SDK2: variants seen among roughly 807,000 people sequenced by gnomAD.
SDK2 encodes the protein sidekick cell adhesion molecule 2.
In SDK2, 105 loss-of-function variants were observed where a neutral mutation model predicts 253.9. The observed-to-expected ratio is 0.41, with a 90% CI of 0.35 to 0.49. SDK2 has a LOEUF of 0.49. SDK2 is among the 20% of genes least tolerant of loss of function. SDK2 has a pLI of 0.06. For missense variants in SDK2, 2,608 were observed against 3,003.0 expected, an observed-to-expected ratio of 0.87 and a Z score of 3.07; for synonymous variants, 1,249 against 1,234.9, an observed-to-expected ratio of 1.01 and a Z score of -0.24.
chr17:73,390,750 A>G (rs980011090), intron 28 of SDK2, among the ~76,000 whole-genome samples: 1 of 152,160 alleles, frequency 6.6e-6, no homozygotes, highest in South Asian at 2.1e-4. Flanking sequence ...GAAGAAACTG[A>G]GGCCCGGAGA....
chr17:73,640,136 T>C (rs2046379717), intron 1 of SDK2, among the ~76,000 whole-genome samples: 1 of 152,124 alleles, frequency 6.6e-6, no homozygotes, highest in Non-Finnish European at 1.5e-5. Flanking sequence ...TTGGCCTCCT[T>C]CCCAGCCTCC....
At chr17:73,461,522 G>A (rs952309498) in intron 3 of SDK2, among the ~76,000 whole-genome samples, 3 of 152,228 alleles carry the variant, frequency 2.0e-5, no homozygotes, top group Non-Finnish European at 4.4e-5. Context: ...ATGGGAATGG[G>A]AGGGGAAGTA....
chr17:73,618,738 C>T lies in SDK2; in HGVS notation c.64+25287G>A, dbSNP rs78791102. ...TCCCCGATCACCCCTGCCATCCTCA[C>T]GGCCAAGGAAAGCAATGCCAGGAAT... is the stretch of plus-strand genomic sequence containing the variant. On this transcript the variant is annotated intron_variant, in intron 1 of 44. Coordinates refer to ENST00000392650, the MANE Select transcript of SDK2 (RefSeq NM_001144952.2). The surrounding 1 kb of genome is among the most constrained non-coding windows in gnomAD (Gnocchi z 4.1). Among the ~76,000 whole-genome samples the T allele has an allele frequency of 0.02, 3,098 of 152,254 alleles. 101 individuals carry two copies. Among genetic ancestry groups the T allele is most frequent in the African/African-American group, 0.071 (2,947 of 41,534 alleles).
chr17:73,415,649 A>G (rs2063174185), intron 17 of SDK2, among the ~76,000 whole-genome samples, 162 bp downstream of exon 17: 1 of 152,024 alleles, frequency 6.6e-6, no homozygotes. Flanking sequence ...CACCACACCC[A>G]GATAATTTTT....
At position 73,455,700 on chromosome 17, in the gene SDK2, G is replaced by A. The variant is rs183785157; in HGVS notation, c.479+206C>T. Among the ~76,000 whole-genome samples the A allele has an allele frequency of 4.6e-5, 7 of 152,294 alleles. No individual in the cohort carries two copies. Among genetic ancestry groups the A allele is most frequent in the East Asian group, 1.9e-4 (1 of 5,180 alleles). On this transcript the variant is annotated intron_variant, in intron 4 of 44. Transcript: ENST00000392650. This position sits in a 1 kb window ranked among gnomAD's most constrained non-coding sequence, Gnocchi z 5.0. Reference sequence around the variant, plus strand: ...CCTGGGATTCCCCAGGAAGGGGACCGGGCATGGGTTTCATGGTCCCAAGTC... The same window carrying A: ...CCTGGGATTCCCCAGGAAGGGGACCAGGCATGGGTTTCATGGTCCCAAGTC...
chr17:73,558,022 C>T (rs944456903), intron 1 of SDK2, among the ~76,000 whole-genome samples: 1 of 152,244 alleles, frequency 6.6e-6, no homozygotes, highest in African/African-American at 2.4e-5. Flanking sequence ...GGACCCTCCT[C>T]ACCCTGTTGC....
rs757856941 is a variant in SDK2 at position 73,380,869 on chromosome 17, G to A, written c.4762+25C>T. On this transcript the variant is annotated intron_variant, in intron 34 of 44. Coordinates refer to ENST00000392650, the MANE Select transcript of SDK2 (RefSeq NM_001144952.2). ...CCCCTGCGAGGCCTGGGCCCGCGAT[G>A]AAGCCACCATGCAAGGAGACTTACT... 9 of 1,552,312 alleles carry A rather than the reference G, an allele frequency of 5.8e-6. No homozygotes were observed. The East Asian group carries it at 2.2e-4, about 38-fold the overall frequency.
intron 2 of SDK2, among the ~76,000 whole-genome samples, chr17:73,491,997 G>C (rs1010358310): frequency 2.0e-5 from 3 of 152,198 alleles, no homozygotes; most frequent in African/African-American, 7.2e-5. Context: ...CGAAATCTGG[G>C]CCAGCTTCAT....
At chr17:73,353,100 A>AG (rs2062553176) in intron 40 of SDK2, among the ~76,000 whole-genome samples, 1 of 151,658 alleles carries the variant, frequency 6.6e-6, no homozygotes, top group Non-Finnish European at 1.5e-5. Flanking sequence ...CAAAAAAAAA[A>AG]GACACCTTTT....
intron 29 of SDK2, among the ~76,000 whole-genome samples, chr17:73,390,021 T>C (rs1194295307): frequency 6.6e-6 from 1 of 152,236 alleles, no homozygotes; most frequent in Non-Finnish European, 1.5e-5. Flanking sequence ...AGTGCTGGGA[T>C]TACAGGCGTG....
At position 73,433,965 on chromosome 17, in the gene SDK2, T is replaced by C. The variant is rs576487548; in HGVS notation, c.1196-117A>G. The C allele has an allele frequency of 7.4e-4, 484 of 654,238 alleles. 1 individual carries two copies. Among genetic ancestry groups the C allele is most frequent in the Non-Finnish European group, 3.4e-4 (128 of 379,810 alleles). The allele number at this position is 654,238 out of a possible 1,614,324, so 40.5% of individuals were successfully genotyped here. A position where few individuals can be genotyped will look rare whatever the true frequency, so the allele number is the denominator to read the frequency against. ...GGCCCTCATCCTCCCCCTGCCATGG[T>C]GAGGGGCCCTCCACGAGGAAGGATG... On this transcript the variant is annotated intron_variant, in intron 9 of 44. Coordinates refer to ENST00000392650, the MANE Select transcript of SDK2 (RefSeq NM_001144952.2).
rs554275573 is a variant in SDK2 at position 73,481,996 on chromosome 17, C to T, written c.225-9778G>A. On this transcript the variant is annotated intron_variant, in intron 2 of 44. Transcript: ENST00000392650. This position sits in a 1 kb window ranked among gnomAD's most constrained non-coding sequence, Gnocchi z 4.5. ...CGACCGTAGAATATGGGAGATAGGC[C>T]GGGTGTGGTGGCTCACGCCTGGAAT... 2.2e-4 allele frequency among the ~76,000 whole-genome samples: 34 copies of T among 152,270 alleles called. No homozygotes were observed. Among genetic ancestry groups the T allele is most frequent in the African/African-American group, 3.1e-4 (13 of 41,548 alleles).
intron 44 of SDK2, among the ~76,000 whole-genome samples, chr17:73,339,486 T>A (rs568122718): frequency 9.2e-5 from 14 of 152,114 alleles, no homozygotes; most frequent in African/African-American, 3.4e-4. Context: ...CCTCCCAAAG[T>A]ACTGGGATTA....
chr17:73,386,408 G>A, intron 31 of SDK2, 37 bp downstream of exon 31: 1 of 1,390,226 alleles, frequency 7.2e-7, no homozygotes, highest in Non-Finnish European at 1.0e-6. Context: ...AGCAGCCAGT[G>A]GGCTGAGAGA....
intron 2 of SDK2, among the ~76,000 whole-genome samples, chr17:73,503,314 C>A (rs530162494): frequency 6.6e-6 from 1 of 152,298 alleles, no homozygotes; most frequent in East Asian, 1.9e-4. Flanking sequence ...AGTATTGTAT[C>A]ATTGTTAAAT....
intron 1 of SDK2, among the ~76,000 whole-genome samples, chr17:73,641,291 T>C (rs1377926663): frequency 3.9e-5 from 6 of 152,236 alleles, no homozygotes; most frequent in Non-Finnish European, 8.8e-5. Context: ...CTGGAATATC[T>C]TGAATTCTCC....
intron 1 of SDK2, among the ~76,000 whole-genome samples, chr17:73,635,174 G>T (rs1371857772): frequency 6.6e-6 from 1 of 152,004 alleles, no homozygotes; most frequent in Non-Finnish European, 1.5e-5. Flanking sequence ...TGTATTTTTA[G>T]ATGGGGTTTC....
intron 1 of SDK2, among the ~76,000 whole-genome samples, chr17:73,535,958 C>T (rs7209879): frequency 0.28 from 42,761 of 151,902 alleles, 6,489 homozygotes; most frequent in South Asian, 0.4. Context: ...TTCCTAATTC[C>T]TCTGTTTCCT....
chr17:73,447,885 C>G lies in SDK2; in HGVS notation c.480-137G>C, dbSNP rs1037685166. 8.8e-6 allele frequency: 8 copies of G among 913,430 alleles called. No individual in the cohort carries two copies. Among genetic ancestry groups the G allele is most frequent in the Admixed American group, 2.4e-5 (1 of 41,640 alleles). 56.6% of individuals were successfully genotyped at this position (913,430 alleles called of 1,614,324 possible). ...CCTCCCAGGGCCCCTCCTGCCACCC[C>G]CTCCCCAACCTCTTACTGCCTACAT... On this transcript the variant is annotated intron_variant, in intron 4 of 44. Transcript: ENST00000392650. This position sits in a 1 kb window ranked among gnomAD's most constrained non-coding sequence, Gnocchi z 4.0.
Sources: gnomAD v4.1 joint callset for allele counts (sites outside exome capture counted in the v4.1 genomes callset) on GRCh38, gnomAD v4.1.1 for gene constraint, Gnocchi (gnomAD v3.1) non-coding constraint, MANE v1.5 for transcripts, NCBI Gene and HGNC (gene_info 2026-07-23, HGNC 2026-07-21) for gene names.